Variants in SMYD3 observed in about 807,000 individuals in gnomAD.
SMYD3 encodes the protein histone-lysine N-methyltransferase SMYD3.
A neutral mutation model predicts 57.7 loss-of-function variants in SMYD3; 36 were observed. The observed-to-expected ratio is 0.62, with a 90% CI of 0.48 to 0.82. The LOEUF (loss-of-function observed/expected upper bound fraction) is 0.82, where lower values mean the gene tolerates loss of function less well. Among genes scored for constraint, SMYD3 ranks in the 40% least tolerant of loss-of-function variants. The probability of loss-of-function intolerance (pLI) is 0.00; values close to 1 mark genes in which losing one functional copy is unlikely to be tolerated. For synonymous variants in SMYD3, 211 were observed against 195.0 expected (o/e 1.08, Z -0.68); for missense variants, 515 against 538.8 (o/e 0.96, Z 0.44).
intron 8 of SMYD3, among the ~76,000 whole-genome samples, chr1:245,907,091 G>A (rs890830597): frequency 5.9e-5 from 9 of 152,158 alleles, no homozygotes; most frequent in African/African-American, 1.2e-4. Context: ...TACAGGGGAC[G>A]TGAGGATGGT....
chr1:246,425,781 C>G (rs1303721196), intron 1 of SMYD3, among the ~76,000 whole-genome samples: 2 of 152,164 alleles, frequency 1.3e-5, no homozygotes, highest in Non-Finnish European at 2.9e-5. Flanking sequence ...TACTTGCACT[C>G]AAATCCTTGA....
intron 1 of SMYD3, among the ~76,000 whole-genome samples, chr1:246,470,302 G>A (rs963404974): frequency 2.0e-5 from 3 of 151,840 alleles, no homozygotes; most frequent in Non-Finnish European, 4.4e-5. Flanking sequence ...GACTAGCCTG[G>A]TCATCATGGC....
chr1:246,175,161 GACAA>G (rs1488240165), intron 5 of SMYD3, among the ~76,000 whole-genome samples: 3 of 152,286 alleles, frequency 2.0e-5, no homozygotes, highest in Admixed American at 1.3e-4. Context: ...TGGTGATACA[GACAA>G]ACATTCATTT....
intron 1 of SMYD3, among the ~76,000 whole-genome samples, chr1:246,491,560 AG>A (rs1292116168): frequency 0.048 from 6,771 of 139,672 alleles, 464 homozygotes; most frequent in African/African-American, 0.18. Context: ...AAAAAAAAAA[AG>A]AGAGAGAAAT....
chr1:246,204,984 A>G (rs2062975881), intron 5 of SMYD3, among the ~76,000 whole-genome samples: 1 of 152,186 alleles, frequency 6.6e-6, no homozygotes, highest in South Asian at 2.1e-4. Context: ...TGAGAGCCAG[A>G]CTTAATTCCT....
At chr1:246,152,745 G>A (rs1038068469) in intron 5 of SMYD3, among the ~76,000 whole-genome samples, 4 of 152,068 alleles carry the variant, frequency 2.6e-5, no homozygotes, top group African/African-American at 4.8e-5. Context: ...TTAACATTAC[G>A]TATTTTTGTT....
intron 5 of SMYD3, among the ~76,000 whole-genome samples, chr1:246,320,205 T>C (rs1406790905): frequency 6.6e-6 from 1 of 152,114 alleles, no homozygotes; most frequent in East Asian, 1.9e-4. Flanking sequence ...CTGTAAAATT[T>C]AAATATCATA....
At chr1:246,171,681 T>C (rs553429855) in intron 5 of SMYD3, among the ~76,000 whole-genome samples, 1 of 152,334 alleles carries the variant, frequency 6.6e-6, no homozygotes, top group South Asian at 2.1e-4. Context: ...TATTTATGTA[T>C]CTACACTTAT....
chr1:245,894,770 A>C (rs1246936756), intron 8 of SMYD3, among the ~76,000 whole-genome samples: 2 of 152,238 alleles, frequency 1.3e-5, no homozygotes, highest in African/African-American at 2.4e-5. Flanking sequence ...ACTCTGTATC[A>C]CATTAGCTGC....
chr1:245,806,970 T>C (rs1020032587), intron 10 of SMYD3, among the ~76,000 whole-genome samples: 3 of 134,046 alleles, frequency 2.2e-5, no homozygotes, highest in Non-Finnish European at 4.7e-5. Flanking sequence ...GTAAGACATA[T>C]CTTCCTAACA....
chr1:246,030,805 A>C (rs1248469000), intron 5 of SMYD3, among the ~76,000 whole-genome samples: 1 of 152,216 alleles, frequency 6.6e-6, no homozygotes, highest in Non-Finnish European at 1.5e-5. Flanking sequence ...CAGAGCCCTA[A>C]AAAGCCTTAT....
intron 5 of SMYD3, among the ~76,000 whole-genome samples, chr1:245,999,589 A>G (rs1388530500): frequency 6.7e-6 from 1 of 149,514 alleles, no homozygotes; most frequent in African/African-American, 2.5e-5. Flanking sequence ...CCTAAGAGTG[A>G]GTCAAAAAAA....
At chr1:246,072,231 TTCCTGTTAG>T (rs2060466081) in intron 5 of SMYD3, among the ~76,000 whole-genome samples, 1 of 101,182 alleles carries the variant, frequency 9.9e-6, no homozygotes, top group Non-Finnish European at 2.5e-5. Context: ...CTGTGGATGC[TTCCTGTTAG>T]TTCTGGGGAG....
chr1:245,894,632 G>A (rs1367682905), intron 8 of SMYD3, among the ~76,000 whole-genome samples: 3 of 152,162 alleles, frequency 2.0e-5, no homozygotes, highest in Non-Finnish European at 4.4e-5. Context: ...ATAAGCTTTA[G>A]CAGGTATTCT....
At chr1:245,903,966 A>T (rs1194818853) in intron 8 of SMYD3, among the ~76,000 whole-genome samples, 1 of 152,162 alleles carries the variant, frequency 6.6e-6, no homozygotes, top group Admixed American at 6.5e-5. Context: ...GGTGATTAAC[A>T]TTTGGCTCCT....
At chr1:246,031,520 G>A (rs1391081623) in intron 5 of SMYD3, among the ~76,000 whole-genome samples, 8 of 152,054 alleles carry the variant, frequency 5.3e-5, no homozygotes, top group Non-Finnish European at 1.2e-4. Context: ...GGCAGATCAC[G>A]AAGTCAGGAG....
intron 5 of SMYD3, among the ~76,000 whole-genome samples, chr1:246,068,873 A>G (rs1188641663): frequency 6.6e-6 from 1 of 152,202 alleles, no homozygotes; most frequent in African/African-American, 2.4e-5. Flanking sequence ...CCTCCAACTT[A>G]TGCCTTACCT....
intron 8 of SMYD3, among the ~76,000 whole-genome samples, chr1:245,898,787 C>A (rs1250270779): frequency 1.3e-5 from 2 of 152,160 alleles, no homozygotes; most frequent in Non-Finnish European, 2.9e-5. Context: ...TGCAACAAGG[C>A]ATGTGACATC....
At chr1:246,208,015 G>C (rs1342342375) in intron 5 of SMYD3, among the ~76,000 whole-genome samples, 1 of 152,110 alleles carries the variant, frequency 6.6e-6, no homozygotes, top group Non-Finnish European at 1.5e-5. Context: ...TAAAAATGAA[G>C]AGTGACAAGG....
Sources: gnomAD v4.1 joint callset for allele counts (sites outside exome capture counted in the v4.1 genomes callset) on GRCh38, gnomAD v4.1.1 for gene constraint, MANE v1.5 for transcripts, NCBI Gene and HGNC (gene_info 2026-07-23, HGNC 2026-07-21) for gene names.